Variants in MTSS1 observed in about 807,000 individuals in gnomAD.
The protein encoded by MTSS1 is MTSS I-BAR domain containing 1, also known as protein MTSS 1.
MTSS1 carries 18 observed loss-of-function variants against 79.0 expected under a neutral mutation model. The ratio of observed to expected loss-of-function variants is 0.23; its 90% CI spans 0.16 to 0.34. The LOEUF (loss-of-function observed/expected upper bound fraction) is 0.34, where lower values mean the gene tolerates loss of function less well. MTSS1 is among the 10% of genes least tolerant of loss of function. The pLI is 1.00. For missense variants in MTSS1, 815 were observed against 986.2 expected, an observed-to-expected ratio of 0.83 and a Z score of 2.33; for synonymous variants, 341 against 368.6, an observed-to-expected ratio of 0.93 and a Z score of 0.86.
At chr8:124,559,652 G>A (rs1824851780) in intron 10 of MTSS1, among the ~76,000 whole-genome samples, 1 of 152,178 alleles carries the variant, frequency 6.6e-6, no homozygotes, top group Non-Finnish European at 1.5e-5. Context: ...AGCTGGGGCA[G>A]GGACTGTTCC....
intron 3 of MTSS1, among the ~76,000 whole-genome samples, chr8:124,659,837 G>T (rs1821665222): frequency 6.6e-6 from 1 of 152,156 alleles, no homozygotes; most frequent in African/African-American, 2.4e-5. Flanking sequence ...ATTACTTCAG[G>T]CAGTGAGGGC....
chr8:124,610,458 G>T (rs1247506010), intron 3 of MTSS1, among the ~76,000 whole-genome samples: 1 of 152,196 alleles, frequency 6.6e-6, no homozygotes, highest in Non-Finnish European at 1.5e-5. Context: ...TGCGCATAAA[G>T]AAGGGCGGGG....
chr8:124,554,788 G>A (rs1414608261), intron 13 of MTSS1, among the ~76,000 whole-genome samples: 3 of 152,220 alleles, frequency 2.0e-5, no homozygotes, highest in African/African-American at 7.2e-5. Context: ...ATAAGTGGCT[G>A]TAAAGATTAA....
At chr8:124,718,001 C>T (rs1264754868) in intron 1 of MTSS1, among the ~76,000 whole-genome samples, 2 of 152,224 alleles carry the variant, frequency 1.3e-5, no homozygotes, top group Admixed American at 1.3e-4. Flanking sequence ...CTGCTAACAA[C>T]TACACACACG....
At chr8:124,681,332 G>T (rs758510811) in intron 3 of MTSS1, among the ~76,000 whole-genome samples, 4 of 152,188 alleles carry the variant, frequency 2.6e-5, no homozygotes, top group Non-Finnish European at 4.4e-5. Context: ...GCTATTTCAA[G>T]CAGCAAAGGT....
chr8:124,559,044 C>T (rs1003408470), intron 10 of MTSS1, among the ~76,000 whole-genome samples: 4 of 152,180 alleles, frequency 2.6e-5, no homozygotes, highest in African/African-American at 7.2e-5. Context: ...CAGAGGCTTT[C>T]GAGCCCTTGA....
chr8:124,619,842 G>A lies in MTSS1; in HGVS notation c.209-28607C>T, dbSNP rs1211207377. ...TCCAACACATTGCTGACGCTCTGTCGTCCTGGCAGATGCGGTTCCCTTTAG... is the reference window on the plus strand; with the variant it reads ...TCCAACACATTGCTGACGCTCTGTCATCCTGGCAGATGCGGTTCCCTTTAG... On this transcript the variant is annotated intron_variant, in intron 3 of 13. Transcript: ENST00000518547. Among the ~76,000 whole-genome samples the A allele has an allele frequency of 7.2e-5, 11 of 152,196 alleles. No individual in the cohort carries two copies. In the East Asian group the frequency reaches 7.7e-4, roughly 11 times the overall value.
At chr8:124,666,918 GT>G (rs1823204814) in intron 3 of MTSS1, among the ~76,000 whole-genome samples, 1 of 152,174 alleles carries the variant, frequency 6.6e-6, no homozygotes, top group Non-Finnish European at 1.5e-5. Flanking sequence ...CAATGGAGGA[GT>G]TTAGGGGGAG....
intron 6 of MTSS1, among the ~76,000 whole-genome samples, chr8:124,583,294 A>G (rs1319290645): frequency 2.0e-5 from 3 of 152,218 alleles, no homozygotes; most frequent in Admixed American, 6.5e-5. Context: ...TCCCAGGGCC[A>G]GATGCCTCTC....
At chr8:124,720,850 T>C (rs1483655123) in intron 1 of MTSS1, among the ~76,000 whole-genome samples, 1 of 152,228 alleles carries the variant, frequency 6.6e-6, no homozygotes, top group East Asian at 1.9e-4. Flanking sequence ...CCAGGCAATG[T>C]GTGAAAACCT....
At chr8:124,670,374 C>G (rs113508816) in intron 3 of MTSS1, among the ~76,000 whole-genome samples, 1 of 110,330 alleles carries the variant, frequency 9.1e-6, no homozygotes, top group South Asian at 2.7e-4. Context: ...CTCAGGCGGG[C>G]GGCACCCCAC....
intron 3 of MTSS1, among the ~76,000 whole-genome samples, chr8:124,621,321 T>C (rs993264722): frequency 1.3e-5 from 2 of 152,232 alleles, no homozygotes; most frequent in African/African-American, 4.8e-5. Flanking sequence ...GAGGCACTGT[T>C]AATGACAGTC....
intron 3 of MTSS1, among the ~76,000 whole-genome samples, chr8:124,652,557 G>T (rs1333779269): frequency 6.7e-6 from 1 of 150,250 alleles, no homozygotes; most frequent in Non-Finnish European, 1.5e-5. Flanking sequence ...ATTTCTAAAG[G>T]CCACAGTCAC....
At position 124,725,557 on chromosome 8, in the gene MTSS1, C is replaced by T. The variant is rs1833577603; in HGVS notation, c.72+2327G>A. ...GGGTTTCCGACATTTACGCTTTTCC[C>T]TCAGAGCAAACAGATAGGAGACCAA... On this transcript the variant is annotated intron_variant, in intron 1 of 13. Coordinates refer to ENST00000518547, the MANE Select transcript of MTSS1 (RefSeq NM_014751.6). Among the ~76,000 whole-genome samples the T allele has an allele frequency of 4.6e-5, 7 of 152,204 alleles. No homozygotes were observed. In the South Asian group the frequency reaches 1.5e-3, roughly 32 times the overall value.
intron 3 of MTSS1, among the ~76,000 whole-genome samples, chr8:124,620,562 G>A (rs905891652): frequency 1.3e-5 from 2 of 152,080 alleles, no homozygotes; most frequent in Non-Finnish European, 1.5e-5. Context: ...ATGTCTTCAC[G>A]TCCACAGGCC....
chr8:124,556,092 G>C, intron 12 of MTSS1, 140 bp downstream of exon 12: 1 of 1,550,130 alleles, frequency 6.5e-7, no homozygotes, highest in East Asian at 2.4e-5. Flanking sequence ...CAGGGACTTT[G>C]CTGTAGAGCA....
intron 6 of MTSS1, chr8:124,580,537 G>A (rs1409598475): frequency 1.3e-6 from 2 of 1,535,962 alleles, no homozygotes; most frequent in Non-Finnish European, 1.7e-6. Context: ...AGAGATTTGG[G>A]ATGGTAGACT....
At chr8:124,725,134 T>C (rs542356914) in intron 1 of MTSS1, among the ~76,000 whole-genome samples, 1 of 152,318 alleles carries the variant, frequency 6.6e-6, no homozygotes, top group East Asian at 1.9e-4. Flanking sequence ...TACTAGCTGC[T>C]GCTTGCTTTA....
chr8:124,699,829 A>G (rs1829448453), intron 2 of MTSS1, among the ~76,000 whole-genome samples: 1 of 152,156 alleles, frequency 6.6e-6, no homozygotes, highest in Admixed American at 6.5e-5. Context: ...AGCCCTTCCC[A>G]TTCCATTTCA....
Sources: allele counts gnomAD v4.1 joint callset (sites outside exome capture counted in the v4.1 genomes callset), GRCh38; gene constraint gnomAD v4.1.1; transcripts MANE v1.5; gene names NCBI Gene and HGNC (gene_info 2026-07-23, HGNC 2026-07-21).